CHST9: variants seen among roughly 807,000 people sequenced by gnomAD.
CHST9 encodes the protein GalNAc-4-sulfotransferase 2.
Under a neutral mutation model 44.4 loss-of-function variants are expected in CHST9, and 41 were observed. The observed-to-expected ratio is 0.92, with a 90% CI of 0.72 to 1.20. The LOEUF (loss-of-function observed/expected upper bound fraction) is 1.20. Ranked by LOEUF, CHST9 falls within the 50% of genes most tolerant of loss-of-function variation. The pLI, the probability that CHST9 is intolerant of heterozygous loss-of-function variation, is 0.00. For missense variants in CHST9, 504 were observed against 516.5 expected (o/e 0.98, Z 0.23); for synonymous variants, 171 against 178.4 (o/e 0.96, Z 0.33).
At chr18:27,097,608 T>C (rs1257243254) in intron 2 of CHST9, among the ~76,000 whole-genome samples, 1 of 152,134 alleles carries the variant, frequency 6.6e-6, no homozygotes, top group African/African-American at 2.4e-5. Context: ...TTGTCAGTTT[T>C]GGCTTTTGTT....
chr18:27,104,664 G>A (rs74343848), intron 2 of CHST9, among the ~76,000 whole-genome samples: 2,626 of 152,138 alleles, frequency 0.017, 67 homozygotes, highest in African/African-American at 0.058. Flanking sequence ...TTTCAACTTC[G>A]AAAAATGATT....
At chr18:27,130,790 T>C (rs1035781038) in intron 2 of CHST9, among the ~76,000 whole-genome samples, 1 of 152,202 alleles carries the variant, frequency 6.6e-6, no homozygotes, top group Non-Finnish European at 1.5e-5. Flanking sequence ...GAGAGCTATA[T>C]ATATCAATGC....
chr18:27,050,551 A>G (rs1194474401), intron 2 of CHST9, among the ~76,000 whole-genome samples: 1 of 152,174 alleles, frequency 6.6e-6, no homozygotes, highest in African/African-American at 2.4e-5. Flanking sequence ...TGGAAAATGT[A>G]CAATCTTCCC....
At chr18:26,977,768 G>A (rs2056641400) in intron 4 of CHST9, among the ~76,000 whole-genome samples, 1 of 152,160 alleles carries the variant, frequency 6.6e-6, no homozygotes, top group Admixed American at 6.5e-5. Context: ...ACTGAGGCCA[G>A]GCAGAGAACA....
At chr18:27,073,401 G>C (rs1413336495) in intron 2 of CHST9, among the ~76,000 whole-genome samples, 1 of 130,496 alleles carries the variant, frequency 7.7e-6, no homozygotes, top group African/African-American at 2.8e-5. Flanking sequence ...CAGCTGATGG[G>C]GGTGGGGGGT....
chr18:27,069,109 C>T (rs1336669282), intron 2 of CHST9, among the ~76,000 whole-genome samples: 1 of 152,106 alleles, frequency 6.6e-6, no homozygotes, highest in Non-Finnish European at 1.5e-5. Flanking sequence ...AGATTTTAAG[C>T]TCTTACTATC....
intron 3 of CHST9, among the ~76,000 whole-genome samples, chr18:27,043,682 C>T (rs1305731390): frequency 1.3e-5 from 2 of 152,008 alleles, no homozygotes; most frequent in East Asian, 3.9e-4. Context: ...TCCTTGCCTC[C>T]CGTCAATTTC....
At chr18:27,017,554 C>A (rs533185326) in intron 4 of CHST9, among the ~76,000 whole-genome samples, 1 of 152,158 alleles carries the variant, frequency 6.6e-6, no homozygotes, top group South Asian at 2.1e-4. Flanking sequence ...CCAAACTAAA[C>A]TATGGTGAAA....
intron 2 of CHST9, among the ~76,000 whole-genome samples, chr18:27,101,656 C>A (rs1204247158): frequency 6.6e-6 from 1 of 151,616 alleles, no homozygotes; most frequent in Non-Finnish European, 1.5e-5. Context: ...TAAAAAAAAT[C>A]TCACGGCTAT....
At chr18:27,075,052 A>T (rs978321566) in intron 2 of CHST9, among the ~76,000 whole-genome samples, 2 of 151,196 alleles carry the variant, frequency 1.3e-5, no homozygotes, top group Non-Finnish European at 2.9e-5. Context: ...GAGACTGTAG[A>T]TCACTGATAA....
intron 2 of CHST9, among the ~76,000 whole-genome samples, chr18:27,139,143 G>A (rs762465886): frequency 2.6e-5 from 4 of 151,756 alleles, no homozygotes; most frequent in African/African-American, 9.7e-5. Flanking sequence ...ATTTTAATAC[G>A]AAAAACCCAA....
At position 26,917,016 on chromosome 18, in the gene CHST9, A is replaced by G. The variant is rs1413868648; in HGVS notation, c.575T>C (p.Val192Ala). Residue 192 changes from valine (V) to alanine (A), a missense_variant, in exon 6 of 6, where the codon GTG becomes GCG. Val to Ala is a moderately conservative substitution (Grantham distance 64). Transcript: ENST00000618847. ...LQEFCKKYGG[V>A]SHHQSHLFHT... is the part of the protein sequence containing the mutation. The stretch of plus-strand genomic sequence containing the variant: ...AAAAAGATGTGACTGATGATGACTC[A>G]CCCCACCGTATTTCTTGCAAAACTC... 1.9e-6 allele frequency: 3 copies of G among 1,613,832 alleles called. No individual in the cohort carries two copies. In the Admixed American group the frequency reaches 5.0e-5, roughly 27 times the overall value.
chr18:26,989,421 T>C (rs1036039143), intron 4 of CHST9, among the ~76,000 whole-genome samples: 1 of 152,218 alleles, frequency 6.6e-6, no homozygotes, highest in Non-Finnish European at 1.5e-5. Flanking sequence ...TGAGAAAGAC[T>C]GACCATACCT....
At chr18:27,058,957 TA>T (rs556852794) in intron 2 of CHST9, among the ~76,000 whole-genome samples, 12 of 152,310 alleles carry the variant, frequency 7.9e-5, no homozygotes, top group South Asian at 2.1e-4. Flanking sequence ...TATATATTGA[TA>T]TTTTTTTTCC....
intron 4 of CHST9, among the ~76,000 whole-genome samples, chr18:27,013,288 C>A (rs925374864): frequency 6.6e-6 from 1 of 152,150 alleles, no homozygotes; most frequent in East Asian, 1.9e-4. Flanking sequence ...ATGTTACACG[C>A]GCTGAATATA....
At chr18:27,070,658 C>T (rs1051356098) in intron 2 of CHST9, among the ~76,000 whole-genome samples, 1 of 145,712 alleles carries the variant, frequency 6.9e-6, no homozygotes, top group East Asian at 2.0e-4. Flanking sequence ...TAAGTGGGAA[C>T]AAAAGAGGTT....
In CHST9 at chr18:26,910,677, C is replaced by T. The variant is rs1038027877; in HGVS notation, c.*5582G>A. 5 of 151,720 alleles carry T rather than the reference C, an allele frequency of 3.3e-5. No homozygotes were observed. Among genetic ancestry groups the T allele is most frequent in the Non-Finnish European group, 2.9e-5 (2 of 67,924 alleles). The allele number at this position is 151,720 out of a possible 1,614,324, so 9.4% of individuals were successfully genotyped here. A position where few individuals can be genotyped will look rare whatever the true frequency, so the allele number is the denominator to read the frequency against. ...CAGCCAAACCAAACATATCTGTAGC[C>T]AGATCTACCCCGTGGGCTGCCAATG... On this transcript the variant is annotated 3_prime_UTR_variant, in exon 6 of 6. Coordinates refer to ENST00000618847, the MANE Select transcript of CHST9 (RefSeq NM_031422.6).
At chr18:27,118,412 A>ACTT (rs10655303) in intron 2 of CHST9, among the ~76,000 whole-genome samples, 117,122 of 151,814 alleles carry the variant, frequency 0.77, 45,403 homozygotes, top group East Asian at 0.92. Context: ...CTTATCAATT[A>ACTT]CTTCTCCCTA....
chr18:26,987,125 G>A (rs1598617392), intron 4 of CHST9, among the ~76,000 whole-genome samples: 5 of 152,158 alleles, frequency 3.3e-5, no homozygotes, highest in South Asian at 2.1e-4. Flanking sequence ...CATGGGGGCC[G>A]ATCCTTCATG....
Sources: allele counts gnomAD v4.1 joint callset (sites outside exome capture counted in the v4.1 genomes callset), GRCh38; gene constraint gnomAD v4.1.1; transcripts MANE v1.5; gene names NCBI Gene and HGNC (gene_info 2026-07-23, HGNC 2026-07-21).